The following SLIT3 variants were observed in gnomAD, a reference collection of about 807,000 sequenced individuals.
The protein encoded by SLIT3 is slit homolog 3 protein.
Under a neutral mutation model 184.0 loss-of-function variants are expected in SLIT3, and 68 were observed. The ratio of observed to expected loss-of-function variants is 0.37; its 90% CI spans 0.30 to 0.45. SLIT3 has a LOEUF of 0.45. Ranked by LOEUF, SLIT3 falls within the 20% of genes least tolerant of loss-of-function variation. The pLI, the probability that SLIT3 is intolerant of heterozygous loss-of-function variation, is 1.00. For missense variants in SLIT3, 1,707 were observed against 2,026.0 expected (o/e 0.84, Z 3.02); for synonymous variants, 831 against 828.6 (o/e 1.00, Z -0.05).
chr5:169,100,583 C>T (rs1461374179), intron 4 of SLIT3, among the ~76,000 whole-genome samples: 4 of 152,158 alleles, frequency 2.6e-5, no homozygotes, highest in Admixed American at 6.5e-5. Context: ...AATGCTAAGT[C>T]ATTCCTTCAG....
intron 4 of SLIT3, among the ~76,000 whole-genome samples, chr5:168,890,137 T>TAAAAA (rs56267999): frequency 1.0e-5 from 1 of 98,654 alleles, no homozygotes; most frequent in African/African-American, 4.1e-5. Context: ...AGACTCCATC[T>TAAAAA]AAAAAAAAAA....
chr5:168,890,178 C>A (rs1000999634), intron 4 of SLIT3, among the ~76,000 whole-genome samples: 5 of 149,006 alleles, frequency 3.4e-5, no homozygotes, highest in African/African-American at 1.2e-4. Flanking sequence ...GCACCAGTTT[C>A]ACTGTTTCTC....
chr5:168,686,999 G>A lies in SLIT3; in HGVS notation c.3294C>T (p.Cys1098=). The A allele has an allele frequency of 1.9e-6, 3 of 1,614,156 alleles. No individual in the cohort carries two copies. The highest frequency in any genetic ancestry group is 1.7e-6 in the Non-Finnish European group (2 of 1,179,952). ...QCVDTINGYT[C]TCPQGFSGPF... is the part of the protein sequence containing the mutation. ...CTTACCTGAAGCCCTGGGGGCAGGT[G>A]CATGTGTAGCCATTGATTGTGTCCA... The change falls in exon 30 of 36, where the codon TGC becomes TGT. Residue 1098 remains cysteine (C), a synonymous_variant. Transcript: ENST00000519560.
chr5:169,122,488 C>T (rs115370152), intron 4 of SLIT3, among the ~76,000 whole-genome samples: 3 of 152,044 alleles, frequency 2.0e-5, no homozygotes, highest in African/African-American at 7.3e-5. Context: ...ACCCTGGGAG[C>T]CATTTGGTTC....
chr5:168,799,077 A>G (rs368466587), intron 9 of SLIT3, among the ~76,000 whole-genome samples: 39 of 152,264 alleles, frequency 2.6e-4, no homozygotes, highest in African/African-American at 8.9e-4. Flanking sequence ...CCACAGGGAA[A>G]ATGGCCCCTT....
At chr5:169,096,146 T>C (rs1351280174) in intron 4 of SLIT3, among the ~76,000 whole-genome samples, 1 of 152,234 alleles carries the variant, frequency 6.6e-6, no homozygotes, top group Non-Finnish European at 1.5e-5. Flanking sequence ...ATCTTTGCCT[T>C]TTTCACTCAA....
chr5:168,856,940 T>C (rs561981073), intron 5 of SLIT3, among the ~76,000 whole-genome samples: 2 of 152,004 alleles, frequency 1.3e-5, no homozygotes, highest in East Asian at 3.9e-4. Context: ...GCCTCTGGTC[T>C]GGGTGGGCTA....
chr5:169,133,314 C>A (rs1761373296), intron 4 of SLIT3, among the ~76,000 whole-genome samples: 1 of 152,224 alleles, frequency 6.6e-6, no homozygotes, highest in African/African-American at 2.4e-5. Flanking sequence ...CATGCCACAG[C>A]TGTGGTTCAA....
chr5:169,013,251 C>T (rs1351419686), intron 4 of SLIT3: 1 of 152,346 alleles, frequency 6.6e-6, no homozygotes, highest in Non-Finnish European at 1.5e-5. Context: ...CAAACCCAGT[C>T]CTCACCTCCC....
chr5:168,944,241 T>C (rs1354454998), intron 4 of SLIT3, among the ~76,000 whole-genome samples: 1 of 151,950 alleles, frequency 6.6e-6, no homozygotes, highest in Non-Finnish European at 1.5e-5. Flanking sequence ...ATAAAGCTAA[T>C]ACCAATGGGG....
intron 8 of SLIT3, among the ~76,000 whole-genome samples, chr5:168,815,449 C>T (rs919753978): frequency 7.2e-5 from 11 of 152,312 alleles, no homozygotes; most frequent in Non-Finnish European, 7.3e-5. Context: ...CTCACTACCT[C>T]TTGGATGACT....
intron 4 of SLIT3, among the ~76,000 whole-genome samples, chr5:168,962,593 C>T (rs1763056240): frequency 6.6e-6 from 1 of 152,112 alleles, no homozygotes; most frequent in African/African-American, 2.4e-5. Flanking sequence ...CAACCCCCAT[C>T]TCCCCTGGTT....
rs150094949 is a variant in SLIT3 at position 168,858,516 on chromosome 5, C to T, written c.486-13861G>A. Among the ~76,000 whole-genome samples, 350 of 152,324 alleles carry T rather than the reference C, an allele frequency of 2.3e-3. 1 individual carries two copies. The highest frequency in any genetic ancestry group is 7.9e-3 in the African/African-American group (329 of 41,580). ...ATTCCTTGTTTCCAGATCAAATGTG[C>T]TATTTTCTCAGCCATCCAAATGCCA... On this transcript the variant is annotated intron_variant, in intron 5 of 35. Coordinates refer to ENST00000519560, the MANE Select transcript of SLIT3 (RefSeq NM_003062.4).
At chr5:169,247,320 C>T (rs1765627331) in intron 2 of SLIT3, among the ~76,000 whole-genome samples, 1 of 152,122 alleles carries the variant, frequency 6.6e-6, no homozygotes, top group South Asian at 2.1e-4. Flanking sequence ...GCACGTCACG[C>T]TAAATAGGGT....
chr5:168,893,195 C>G (rs950546567), intron 4 of SLIT3, among the ~76,000 whole-genome samples: 3 of 152,194 alleles, frequency 2.0e-5, no homozygotes, highest in Non-Finnish European at 4.4e-5. Context: ...ATTTATCAAC[C>G]TTGGTTGGGT....
chr5:168,754,535 A>G (rs907722190), intron 16 of SLIT3, among the ~76,000 whole-genome samples: 2 of 152,188 alleles, frequency 1.3e-5, no homozygotes, highest in South Asian at 2.1e-4. Flanking sequence ...GCTAAAAGGA[A>G]TAAGTTCTAG....
chr5:168,931,302 GACAA>G (rs551067813), intron 4 of SLIT3, among the ~76,000 whole-genome samples: 123 of 152,274 alleles, frequency 8.1e-4, no homozygotes, highest in Non-Finnish European at 1.5e-3. Context: ...GAAAAAACAA[GACAA>G]ACAAAACCAA....
chr5:168,977,742 C>T (rs539724770), intron 4 of SLIT3, among the ~76,000 whole-genome samples: 1 of 148,798 alleles, frequency 6.7e-6, no homozygotes, highest in Non-Finnish European at 1.5e-5. Flanking sequence ...TCAATAAATG[C>T]TTTTTTTTTT....
At chr5:169,271,653 C>CTA (rs1041927027) in intron 1 of SLIT3, among the ~76,000 whole-genome samples, 2 of 152,076 alleles carry the variant, frequency 1.3e-5, no homozygotes, top group East Asian at 1.9e-4. Flanking sequence ...CGGGAGTATC[C>CTA]TATATATATA....
Sources: gnomAD v4.1 joint callset for allele counts (sites outside exome capture counted in the v4.1 genomes callset) on GRCh38, gnomAD v4.1.1 for gene constraint, MANE v1.5 for transcripts, NCBI Gene and HGNC (gene_info 2026-07-23, HGNC 2026-07-21) for gene names.